The following FAM135A variants were observed in gnomAD, a reference collection of about 807,000 sequenced individuals.
The protein encoded by FAM135A is family with sequence similarity 135 member A.
In FAM135A, 79 loss-of-function variants were observed where a neutral mutation model predicts 146.8. The ratio of observed to expected loss-of-function variants is 0.54; its 90% confidence interval spans 0.45 to 0.65. The LOEUF (loss-of-function observed/expected upper bound fraction) is 0.65. Among genes scored for constraint, FAM135A ranks in the 30% least tolerant of loss-of-function variants. The pLI is 0.00. For missense variants in FAM135A, 1,623 were observed against 1,758.2 expected, an observed-to-expected ratio of 0.92 and a Z score of 1.38; for synonymous variants, 562 against 603.6, an observed-to-expected ratio of 0.93 and a Z score of 1.01.
At chr6:70,498,550 T>A (rs1355354478) in intron 11 of FAM135A, among the ~76,000 whole-genome samples, 3 of 151,942 alleles carry the variant, frequency 2.0e-5, no homozygotes, top group Non-Finnish European at 2.9e-5. Flanking sequence ...CTTCTATAAT[T>A]CTTTTAATTG....
intron 12 of FAM135A, among the ~76,000 whole-genome samples, chr6:70,508,375 A>G (rs1001024988): frequency 1.5e-4 from 23 of 152,192 alleles, no homozygotes; most frequent in Admixed American, 1.4e-3. Flanking sequence ...ACTTGCTTTC[A>G]TTGCAGTTTA....
intron 5 of FAM135A, among the ~76,000 whole-genome samples, chr6:70,466,684 C>T (rs781134267): frequency 5.3e-5 from 8 of 152,206 alleles, no homozygotes; most frequent in Non-Finnish European, 1.2e-4. Flanking sequence ...TGCATCTGAA[C>T]TTAACATTGC....
At chr6:70,522,724 C>T (rs1347217926) in intron 13 of FAM135A, 138 bp downstream of exon 13, 1 of 665,538 alleles carries the variant, frequency 1.5e-6, no homozygotes, top group Non-Finnish European at 2.4e-6. Flanking sequence ...GAAATCCCAT[C>T]TATAATCAAA....
At chr6:70,422,663 G>T (rs549610634) in intron 2 of FAM135A, among the ~76,000 whole-genome samples, 8 of 152,242 alleles carry the variant, frequency 5.3e-5, no homozygotes, top group African/African-American at 7.2e-5. Context: ...ACCAAAATTT[G>T]TTCATGCATA....
chr6:70,413,846 G>T, intron 1 of FAM135A, 144 bp downstream of exon 1: 1 of 985,464 alleles, frequency 1.0e-6, no homozygotes, highest in Non-Finnish European at 1.2e-6. Flanking sequence ...CCCGACTGCT[G>T]GCGGTCGGAG....
chr6:70,440,322 C>G (rs1774158242), intron 4 of FAM135A, among the ~76,000 whole-genome samples: 3 of 152,160 alleles, frequency 2.0e-5, no homozygotes, highest in Admixed American at 2.0e-4. Flanking sequence ...AAACAGTTCC[C>G]TATCACTTAA....
rs376332415 is a variant in FAM135A at position 70,516,798 on chromosome 6, G to A, written c.1030-5715G>A. Among the ~76,000 whole-genome samples the A allele has an allele frequency of 8.5e-4, 129 of 152,080 alleles. 4 individuals carry two copies. In the South Asian group the frequency reaches 0.025, roughly 30 times the overall value. Reference sequence around the variant, plus strand: ...GATCCGCCCATCTCGGCCTCCCAAAGTGCTGGGATTACAGGTGTGAGCCAC... The same window carrying A: ...GATCCGCCCATCTCGGCCTCCCAAAATGCTGGGATTACAGGTGTGAGCCAC... On this transcript the variant is annotated intron_variant, in intron 12 of 21. Transcript: ENST00000418814.
intron 4 of FAM135A, among the ~76,000 whole-genome samples, chr6:70,434,440 A>G (rs1340958497): frequency 6.6e-6 from 1 of 152,248 alleles, no homozygotes. Context: ...TGACTGGTTC[A>G]GGATGAAGCA....
chr6:70,542,277 C>CA (rs35407465), intron 20 of FAM135A, among the ~76,000 whole-genome samples: 3,696 of 146,930 alleles, frequency 0.025, 166 homozygotes, highest in African/African-American at 0.093. Flanking sequence ...CACACACACA[C>CA]CCTTTGCTGT....
chr6:70,500,165 C>T (rs1446971212), intron 11 of FAM135A, among the ~76,000 whole-genome samples: 1 of 152,110 alleles, frequency 6.6e-6, no homozygotes, highest in Non-Finnish European at 1.5e-5. Flanking sequence ...TTTTTGGAGG[C>T]TTTGTTCATT....
chr6:70,506,329 C>T (rs191459390), intron 12 of FAM135A, among the ~76,000 whole-genome samples: 1 of 152,180 alleles, frequency 6.6e-6, no homozygotes, highest in Non-Finnish European at 1.5e-5. Context: ...ACACAACCAG[C>T]GACCCAATTT....
chr6:70,511,363 AT>A (rs1790965604), intron 12 of FAM135A, among the ~76,000 whole-genome samples: 1 of 151,948 alleles, frequency 6.6e-6, no homozygotes, highest in Non-Finnish European at 1.5e-5. Flanking sequence ...TATCGTCATG[AT>A]AAAAAATTTT....
At chr6:70,459,221 A>G (rs1238975870) in intron 5 of FAM135A, among the ~76,000 whole-genome samples, 1 of 151,988 alleles carries the variant, frequency 6.6e-6, no homozygotes, top group Non-Finnish European at 1.5e-5. Flanking sequence ...TTTTCCTTCC[A>G]GCGCTAAATT....
intron 16 of FAM135A, 99 bp downstream of exon 16, chr6:70,528,551 T>A (rs889221716): frequency 9.3e-7 from 1 of 1,076,532 alleles, no homozygotes; most frequent in African/African-American, 1.6e-5. Flanking sequence ...AAAAAAAGAT[T>A]TTTTAATTGC....
At chr6:70,451,881 GAC>G (rs1173147909) in intron 4 of FAM135A, among the ~76,000 whole-genome samples, 5 of 151,652 alleles carry the variant, frequency 3.3e-5, no homozygotes, top group Non-Finnish European at 5.9e-5. Context: ...GATGTTATAA[GAC>G]AGTCATATTA....
intron 20 of FAM135A, among the ~76,000 whole-genome samples, chr6:70,556,196 C>A (rs1245834326): frequency 2.0e-5 from 3 of 152,074 alleles, no homozygotes; most frequent in East Asian, 3.9e-4. Context: ...TTGCAGTGAG[C>A]CGAGATTGCA....
At chr6:70,449,688 T>C (rs1776621666) in intron 4 of FAM135A, among the ~76,000 whole-genome samples, 1 of 152,212 alleles carries the variant, frequency 6.6e-6, no homozygotes. Context: ...TTGCTTCCAT[T>C]ATCTTAGCTA....
chr6:70,437,292 C>T (rs529713392), intron 4 of FAM135A, among the ~76,000 whole-genome samples: 2 of 152,138 alleles, frequency 1.3e-5, no homozygotes, highest in South Asian at 4.2e-4. Flanking sequence ...GATAATCAGA[C>T]AGTAAGTATA....
At chr6:70,444,147 G>A (rs1158334163) in intron 4 of FAM135A, among the ~76,000 whole-genome samples, 5 of 152,186 alleles carry the variant, frequency 3.3e-5, no homozygotes, top group Non-Finnish European at 7.3e-5. Context: ...GCTCACGCCT[G>A]TAATCCTAGT....
Sources: allele counts gnomAD v4.1 joint callset (sites outside exome capture counted in the v4.1 genomes callset), GRCh38; gene constraint gnomAD v4.1.1; transcripts MANE v1.5; gene names NCBI Gene and HGNC (gene_info 2026-07-23, HGNC 2026-07-21).